The following IGSF10 variants were observed in gnomAD, a reference collection of about 807,000 sequenced individuals.
IGSF10 encodes the protein immunoglobulin superfamily member 10.
IGSF10 carries 126 observed loss-of-function variants against 128.2 expected under a neutral mutation model. That is an observed-to-expected ratio of 0.98 (90% CI 0.85 to 1.14). The LOEUF (loss-of-function observed/expected upper bound fraction) is 1.14. IGSF10 is among the 50% of genes most tolerant of loss of function. The pLI, the probability that IGSF10 is intolerant of heterozygous loss-of-function variation, is 0.00. For synonymous variants in IGSF10, 1,185 were observed against 1,146.2 expected (o/e 1.03, Z -0.68); for missense variants, 3,295 against 3,149.8 (o/e 1.05, Z -1.10).
the IGSF10 span, among the ~76,000 whole-genome samples, chr3:151,502,631 A>G: frequency 1.3e-5 from 2 of 151,942 alleles, no homozygotes; most frequent in African/African-American, 2.4e-5. Context: ...ATATTATAAA[A>G]TTACTATATA....
At chr3:151,519,391 C>G in the IGSF10 span, among the ~76,000 whole-genome samples, 1 of 151,784 alleles carries the variant, frequency 6.6e-6, no homozygotes, top group Non-Finnish European at 1.5e-5. Context: ...TGTCTCTTTC[C>G]AATCCTCTTT....
At chr3:151,466,771 G>A in the IGSF10 span, among the ~76,000 whole-genome samples, 1 of 151,964 alleles carries the variant, frequency 6.6e-6, no homozygotes, top group Admixed American at 6.6e-5. Context: ...TAGAGACAGG[G>A]TTTCACCATG....
chr3:151,576,251 T>C, the IGSF10 span, among the ~76,000 whole-genome samples: 2 of 152,082 alleles, frequency 1.3e-5, no homozygotes, highest in South Asian at 2.1e-4. Context: ...ATTTTAGACT[T>C]TAGCATTACA....
rs73008593 is a variant in IGSF10, at chr3:151,439,042, G to A, written c.5964-445C>T. ...TATCTAATTGAACAGGTATAATTTA[G>A]TGCAAGTAAGTATTTCTCAGATGGA... On this transcript the variant is annotated intron_variant, in intron 7 of 7. Transcript: ENST00000282466. Among the ~76,000 whole-genome samples, 633 of 152,202 alleles carry A rather than the reference G, an allele frequency of 4.2e-3. 3 individuals carry two copies. Among genetic ancestry groups the A allele is most frequent in the African/African-American group, 0.014 (596 of 41,542 alleles).
the IGSF10 span, chr3:151,565,793 G>A: frequency 4.6e-5 from 7 of 152,062 alleles, no homozygotes; most frequent in African/African-American, 7.2e-5. Flanking sequence ...TTTTGAGAAC[G>A]TTAATGCATA....
the IGSF10 span, among the ~76,000 whole-genome samples, chr3:151,482,890 A>G: frequency 1.5e-5 from 2 of 129,148 alleles, no homozygotes; most frequent in East Asian, 4.6e-4. Flanking sequence ...GGGATGATAC[A>G]GTCTAAGTGT....
Position 151,443,329 on chromosome 3 carries a change from C to T in IGSF10, c.5618G>A (p.Ser1873Asn), listed in dbSNP as rs908498237. ...GCCATCAGAGAGGACCCAGTAAACG[C>T]TGGGCTGAGGAGTTCCTTTTGCAGT... is the stretch of plus-strand genomic sequence containing the variant. ...PCTAKGTPQP[S>N]VYWVLSDGTE... Residue 1873 changes from serine to asparagine, a missense_variant, in exon 7 of 8, where the codon AGC becomes AAC. Physicochemically the swap from Ser to Asn is conservative, Grantham distance 46. Transcript: ENST00000282466. 2 of 1,614,082 alleles carry T rather than the reference C, an allele frequency of 1.2e-6. No individual in the cohort carries two copies. The highest frequency in any genetic ancestry group is 1.6e-4 in the Middle Eastern group (1 of 6,084).
intron 6 of IGSF10, among the ~76,000 whole-genome samples, 199 bp from the exon 7 acceptor site, chr3:151,444,083 T>C (rs531750481): frequency 1.3e-5 from 2 of 152,088 alleles, no homozygotes; most frequent in Non-Finnish European, 2.9e-5. Flanking sequence ...AGACCAGCCC[T>C]GGAAACATAG....
the IGSF10 span, among the ~76,000 whole-genome samples, chr3:151,615,868 A>T: frequency 1.3e-5 from 2 of 152,130 alleles, no homozygotes; most frequent in Admixed American, 1.3e-4. Flanking sequence ...AACTGTGACA[A>T]CTTGGAGTTA....
intron 2 of IGSF10, 38 bp from the exon 3 acceptor site, chr3:151,458,748 T>TGG (rs1721923712): frequency 6.4e-7 from 1 of 1,559,114 alleles, no homozygotes; most frequent in Non-Finnish European, 8.8e-7. Flanking sequence ...TAAAGAGTGG[T>TGG]GGAGCAAAGT....
chr3:151,558,027 A>ATTATATATATATAATATGTATATATAT, the IGSF10 span, among the ~76,000 whole-genome samples: 1 of 52,932 alleles, frequency 1.9e-5, no homozygotes, highest in Admixed American at 2.8e-4. Context: ...TAATATATAT[A>ATTATATATATATAATATGTATATATAT]TTGGTACAAT....
At chr3:151,541,423 T>C in the IGSF10 span, among the ~76,000 whole-genome samples, 1 of 152,330 alleles carries the variant, frequency 6.6e-6, no homozygotes, top group Non-Finnish European at 1.5e-5. Context: ...GCTAGCACAC[T>C]AAAGTTCTTT....
chr3:151,565,797 A>T, the IGSF10 span: 1 of 152,080 alleles, frequency 6.6e-6, no homozygotes, highest in Non-Finnish European at 1.5e-5. Context: ...GAGAACGTTA[A>T]TGCATAGTAT....
At chr3:151,595,288 A>G in the IGSF10 span, among the ~76,000 whole-genome samples, 9 of 152,088 alleles carry the variant, frequency 5.9e-5, no homozygotes, top group Non-Finnish European at 1.2e-4. Flanking sequence ...GGGAAATGAA[A>G]TCAGCCCCCC....
At chr3:151,536,748 T>G in the IGSF10 span, among the ~76,000 whole-genome samples, 21 of 152,338 alleles carry the variant, frequency 1.4e-4, no homozygotes, top group Admixed American at 1.2e-3. Flanking sequence ...AAAGTTCATT[T>G]TGTTCAATTT....
chr3:151,437,608 T>C lies in IGSF10; in HGVS notation c.6953A>G (p.Glu2318Gly), dbSNP rs754052654. The C allele has an allele frequency of 6.2e-7, 1 of 1,614,088 alleles. No homozygotes were observed. The highest frequency in any genetic ancestry group is 1.3e-5 in the African/African-American group (1 of 74,918). The change falls in exon 8 of 8, where the codon GAA (glutamate) becomes GGA (glycine). Residue 2318 changes from glutamate to glycine, a missense_variant. Transcript: ENST00000282466. ...TACTACCAACACGCTCTCTCCACCTTCATTTCGGGCCACACAGATAAAGTC... is the reference window on the plus strand; with the variant it reads ...TACTACCAACACGCTCTCTCCACCTCCATTTCGGGCCACACAGATAAAGTC... ...SADFICVARNEGGESVLVVQL... is the reference protein window; with the variant it reads ...SADFICVARNGGGESVLVVQL...
the IGSF10 span, among the ~76,000 whole-genome samples, chr3:151,582,294 G>GA: frequency 1.7e-5 from 2 of 114,296 alleles, no homozygotes; most frequent in African/African-American, 3.3e-5. Context: ...AAAATATCCG[G>GA]GGGGGGGGGC....
the IGSF10 span, among the ~76,000 whole-genome samples, chr3:151,510,932 T>C: frequency 2.0e-5 from 3 of 151,982 alleles, no homozygotes; most frequent in Non-Finnish European, 2.9e-5. Context: ...TAAAAAGAAA[T>C]GAACAAAGCC....
chr3:151,435,832 T>TAA (rs1444931235), downstream of IGSF10: 1 of 117,356 alleles, frequency 8.5e-6, no homozygotes, highest in Non-Finnish European at 1.7e-5. Context: ...TCATTATATA[T>TAA]AATAGACCTA....
Sources: allele counts gnomAD v4.1 joint callset (sites outside exome capture counted in the v4.1 genomes callset), GRCh38; gene constraint gnomAD v4.1.1; transcripts MANE v1.5; gene names NCBI Gene and HGNC (gene_info 2026-07-23, HGNC 2026-07-21).